NRG1: variants seen among roughly 807,000 people sequenced by gnomAD.
NRG1 encodes pro-neuregulin-1, membrane-bound isoform.
A neutral mutation model predicts 63.8 loss-of-function variants in NRG1; 18 were observed. The ratio of observed to expected loss-of-function variants is 0.28; its 90% CI spans 0.19 to 0.42. NRG1 has a LOEUF of 0.42. Among genes scored for constraint, NRG1 ranks in the 10% least tolerant of loss-of-function variants. The probability of loss-of-function intolerance (pLI) is 1.00; values close to 1 mark genes in which losing one functional copy is unlikely to be tolerated. For missense variants in NRG1, 762 were observed against 814.7 expected, an observed-to-expected ratio of 0.94 and a Z score of 0.79; for synonymous variants, 302 against 301.3, an observed-to-expected ratio of 1.00 and a Z score of -0.02.
intron 1 of NRG1, among the ~76,000 whole-genome samples, chr8:32,299,890 A>C (rs2129475023): frequency 6.6e-6 from 1 of 152,328 alleles, no homozygotes; most frequent in Non-Finnish European, 1.5e-5. Context: ...CTGGAATTAG[A>C]GATGAGATTT....
intron 1 of NRG1, among the ~76,000 whole-genome samples, chr8:32,249,373 A>G (rs756115132): frequency 3.3e-5 from 5 of 152,140 alleles, no homozygotes; most frequent in Non-Finnish European, 7.4e-5. Flanking sequence ...TTCCATTCTA[A>G]CATTTAAGCC....
chr8:32,100,386 T>C (rs921750454), intron 1 of NRG1, among the ~76,000 whole-genome samples: 1 of 152,192 alleles, frequency 6.6e-6, no homozygotes, highest in Non-Finnish European at 1.5e-5. Flanking sequence ...CTGAGGCTAA[T>C]AGTTATAAAC....
intron 1 of NRG1, among the ~76,000 whole-genome samples, chr8:31,642,218 A>G (rs374945133): frequency 1.3e-5 from 2 of 152,210 alleles, no homozygotes; most frequent in Non-Finnish European, 2.9e-5. Context: ...ACTGCAGCAT[A>G]TGTTACTCTG....
rs1009513150 is a variant in NRG1, at chr8:32,742,356, C to G, written c.633-319C>G. Among the ~76,000 whole-genome samples, 1 of 151,980 alleles carries G rather than the reference C, an allele frequency of 6.6e-6. No homozygotes were observed. The highest frequency in any genetic ancestry group is 2.4e-5 in the African/African-American group (1 of 41,386). ...AACATTTTCTTCCAACGTGTGTGAC[C>G]AAAGCCATCATATGGAAAACTGAGA... On this transcript the variant is annotated intron_variant, in intron 6 of 11. Coordinates refer to ENST00000356819, the Ensembl canonical transcript of NRG1. This position sits in a 1 kb window ranked among gnomAD's most constrained non-coding sequence, Gnocchi z 4.2.
At chr8:32,198,274 T>C (rs548998833) in intron 1 of NRG1, among the ~76,000 whole-genome samples, 54 of 152,084 alleles carry the variant, frequency 3.6e-4, no homozygotes, top group African/African-American at 1.3e-3. Context: ...GCCTCCTGGG[T>C]CCTAGCAATT....
chr8:32,290,975 T>C (rs1015744925), intron 1 of NRG1, among the ~76,000 whole-genome samples: 3 of 152,104 alleles, frequency 2.0e-5, no homozygotes, highest in Non-Finnish European at 2.9e-5. Flanking sequence ...ACAGGTTATG[T>C]TGGCAAGCCA....
At chr8:32,387,694 T>C (rs942238370) in intron 1 of NRG1, among the ~76,000 whole-genome samples, 2 of 151,056 alleles carry the variant, frequency 1.3e-5, no homozygotes, top group Admixed American at 1.3e-4. Context: ...CCTAAAACAA[T>C]TAAGCTTTTA....
intron 1 of NRG1, among the ~76,000 whole-genome samples, chr8:32,169,444 C>G (rs993641257): frequency 1.1e-4 from 16 of 152,146 alleles, no homozygotes; most frequent in Admixed American, 4.6e-4. Context: ...CATAGTCCAG[C>G]TGACCAAAAG....
chr8:31,987,318 A>ATG (rs775800534), intron 1 of NRG1, among the ~76,000 whole-genome samples: 1,380 of 75,178 alleles, frequency 0.018, 28 homozygotes, highest in African/African-American at 0.045. Flanking sequence ...AAAAACATAT[A>ATG]TATGTGTGTG....
At chr8:31,840,789 A>T (rs1406672697) in intron 1 of NRG1, among the ~76,000 whole-genome samples, 1 of 152,200 alleles carries the variant, frequency 6.6e-6, no homozygotes, top group East Asian at 1.9e-4. Context: ...GCATGTTTGT[A>T]TCACTCTGTT....
chr8:32,054,536 A>C (rs1822527604), intron 1 of NRG1, among the ~76,000 whole-genome samples: 1 of 152,208 alleles, frequency 6.6e-6, no homozygotes, highest in South Asian at 2.1e-4. Context: ...GTTATTGTTA[A>C]AGCATTTAGA....
intron 5 of NRG1, among the ~76,000 whole-genome samples, chr8:32,640,361 TTTA>T (rs1472968282): frequency 1.3e-5 from 2 of 151,562 alleles, no homozygotes; most frequent in Non-Finnish European, 2.9e-5. Context: ...TTTCCCATAG[TTTA>T]TTCATCCCTC....
intron 1 of NRG1, among the ~76,000 whole-genome samples, chr8:32,366,867 T>C (rs1808128062): frequency 6.6e-6 from 1 of 151,554 alleles, no homozygotes; most frequent in Non-Finnish European, 1.5e-5. Flanking sequence ...TGTGCCACCA[T>C]ATCCGGCTAA....
chr8:32,180,520 T>C (rs956685340), intron 1 of NRG1, among the ~76,000 whole-genome samples: 3 of 151,182 alleles, frequency 2.0e-5, no homozygotes, highest in African/African-American at 7.2e-5. Context: ...TAACAAGATC[T>C]ACTAACAGGG....
At chr8:32,179,007 A>C (rs999846972) in intron 1 of NRG1, among the ~76,000 whole-genome samples, 2 of 152,016 alleles carry the variant, frequency 1.3e-5, no homozygotes, top group Admixed American at 1.3e-4. Flanking sequence ...TTTTAAGTAG[A>C]GATGTACATT....
chr8:31,803,184 G>A (rs1026309160), intron 1 of NRG1, among the ~76,000 whole-genome samples: 58 of 152,240 alleles, frequency 3.8e-4, no homozygotes, highest in African/African-American at 1.3e-3. Flanking sequence ...GTATAATAGG[G>A]AAACCTATTT....
chr8:31,833,968 A>C (rs1219921442), intron 1 of NRG1, among the ~76,000 whole-genome samples: 1 of 152,130 alleles, frequency 6.6e-6, no homozygotes, highest in Non-Finnish European at 1.5e-5. Flanking sequence ...GCATGATTCT[A>C]TTTGGCTCAG....
rs140787184 is a variant in NRG1, at chr8:32,253,135, C to G, written c.38-342693C>G. On this transcript the variant is annotated intron_variant, in intron 1 of 10. Transcript: ENST00000519301. ...TTTTCTAAATGTACAATCATGTCAT[C>G]TACAAACAGAGACAATTTGACTTCC... 4.7e-3 allele frequency among the ~76,000 whole-genome samples: 722 copies of G among 152,290 alleles called. 3 individuals are homozygous for G. Among genetic ancestry groups the G allele is most frequent in the South Asian group, 0.024 (114 of 4,828 alleles).
intron 1 of NRG1, among the ~76,000 whole-genome samples, chr8:32,411,530 G>A (rs1431040301): frequency 6.6e-6 from 1 of 152,122 alleles, no homozygotes; most frequent in South Asian, 2.1e-4. Flanking sequence ...ATAAAGGAAA[G>A]GAATATTCTT....
Sources: gnomAD v4.1 joint callset for allele counts (sites outside exome capture counted in the v4.1 genomes callset) on GRCh38, gnomAD v4.1.1 for gene constraint, Gnocchi (gnomAD v3.1) non-coding constraint, MANE v1.5 for transcripts, NCBI Gene and HGNC (gene_info 2026-07-23, HGNC 2026-07-21) for gene names.